ZBED6: variants seen among roughly 807,000 people sequenced by gnomAD.
ZBED6 encodes zinc finger BED-type containing 6.
Under a neutral mutation model 58.4 loss-of-function variants are expected in ZBED6, and 40 were observed. That is an observed-to-expected ratio of 0.68 (90% CI 0.53 to 0.89). The LOEUF is 0.89. ZBED6 is among the 40% of genes least tolerant of loss of function. ZBED6 has a pLI of 0.00. For synonymous variants in ZBED6, 439 were observed against 350.6 expected (o/e 1.25, Z -2.82); for missense variants, 1,057 against 1,003.9 (o/e 1.05, Z -0.71).
At chr1:203,795,665 T>G (rs1051386350), upstream of ZBED6, 2 of 152,192 alleles carry the variant, frequency 1.3e-5, no homozygotes, top group African/African-American at 4.8e-5. Flanking sequence ...ACGCTGGCAG[T>G]CTTGGTTTTC....
At chr1:203,796,368 A>G (rs939133523) in exon 1 of ZBED6, 1 of 398,782 alleles carries the variant, frequency 2.5e-6, no homozygotes, top group Non-Finnish European at 4.4e-6. Context: ...TCCTACACCC[A>G]TTCCCCACTC....
At position 203,806,088 on chromosome 1, in the gene ZBED6, A is replaced by G. The variant is rs78535301; in HGVS notation, c.*2554+3072A>G. 2,123 of 503,380 alleles carry G rather than the reference A, an allele frequency of 4.2e-3. 42 individuals are homozygous for G. Among genetic ancestry groups the G allele is most frequent in the African/African-American group, 0.039 (1,968 of 50,910 alleles). 31.2% of individuals were successfully genotyped at this position (503,380 alleles called of 1,614,324 possible). On this transcript the variant is annotated intron_variant, in intron 1 of 16. Coordinates refer to ENST00000550078, the Ensembl canonical transcript of ZBED6. ...TTAAAACTCGCAAGGCTTTCTGCGTAATCATATTCTTTGTAGGACCCCCTC... is the reference window on the plus strand; with the variant it reads ...TTAAAACTCGCAAGGCTTTCTGCGTGATCATATTCTTTGTAGGACCCCCTC...
At chr1:203,800,102 C>G (rs1192282337) in exon 1 of ZBED6, 15 of 1,536,002 alleles carry the variant, frequency 9.8e-6, no homozygotes, top group Non-Finnish European at 1.2e-5. Flanking sequence ...GCTTCATGTT[C>G]CCTTCTGCTG....
intron 1 of ZBED6, among the ~76,000 whole-genome samples, chr1:203,816,534 G>A (rs1328966893): frequency 6.6e-6 from 1 of 152,114 alleles, no homozygotes; most frequent in Non-Finnish European, 1.5e-5. Flanking sequence ...GGGAGGCTGA[G>A]GTGGGAGAAT....
chr1:203,826,311 T>C (rs1305848157), intron 3 of ZBED6, among the ~76,000 whole-genome samples: 1 of 151,524 alleles, frequency 6.6e-6, no homozygotes, highest in Non-Finnish European at 1.5e-5. Flanking sequence ...GCCTATACTT[T>C]TAAAAAATAT....
intron 6 of ZBED6, 36 bp from the exon 7 acceptor site, chr1:203,830,087 T>C: frequency 6.6e-7 from 1 of 1,517,152 alleles, no homozygotes; most frequent in Non-Finnish European, 9.1e-7. Flanking sequence ...ATGAAAAGGC[T>C]CCCGTTCCTC....
exon 1 of ZBED6, chr1:203,799,699 T>G: frequency 1.4e-6 from 1 of 715,534 alleles, no homozygotes; most frequent in Non-Finnish European, 2.5e-6. Flanking sequence ...CTGCAGAAAC[T>G]CAGAGAAGAT....
chr1:203,808,482 A>G (rs769290560), intron 1 of ZBED6, among the ~76,000 whole-genome samples: 4 of 152,230 alleles, frequency 2.6e-5, no homozygotes, highest in Admixed American at 1.3e-4. Context: ...TAAAGACTCA[A>G]GTCCATCAAA....
At chr1:203,822,211 A>G (rs950551813) in intron 3 of ZBED6, among the ~76,000 whole-genome samples, 1 of 152,090 alleles carries the variant, frequency 6.6e-6, no homozygotes, top group African/African-American at 2.4e-5. Context: ...ATTGTTCATA[A>G]TACTTTTATT....
At chr1:203,820,176 A>C (rs1678044325) in intron 3 of ZBED6, among the ~76,000 whole-genome samples, 1 of 151,544 alleles carries the variant, frequency 6.6e-6, no homozygotes. Context: ...CGGAGGTTGC[A>C]CTGAGCTGAG....
chr1:203,845,330 T>G (rs1687598279), intron 11 of ZBED6, among the ~76,000 whole-genome samples: 1 of 151,990 alleles, frequency 6.6e-6, no homozygotes, highest in Non-Finnish European at 1.5e-5. Context: ...TTTCTTGGAG[T>G]GGTAATTTTG....
At chr1:203,829,362 C>G in intron 4 of ZBED6, 89 bp from the exon 5 acceptor site, 1 of 1,293,138 alleles carries the variant, frequency 7.7e-7, no homozygotes, top group Non-Finnish European at 1.1e-6. Flanking sequence ...AAGACAAATA[C>G]ACTATAGTTT....
chr1:203,844,000 GGCAT>G (rs796488406), intron 11 of ZBED6, among the ~76,000 whole-genome samples: 16 of 151,914 alleles, frequency 1.1e-4, no homozygotes, highest in African/African-American at 3.4e-4. Context: ...TGGGATTACA[GGCAT>G]GCGCTACCAC....
At chr1:203,829,369 G>A (rs572572552) in intron 4 of ZBED6, 82 bp from the exon 5 acceptor site, 1 of 1,400,122 alleles carries the variant, frequency 7.1e-7, no homozygotes, top group East Asian at 2.3e-5. Flanking sequence ...ATACACTATA[G>A]TTTTCATAGG....
exon 14 of ZBED6, chr1:203,849,959 C>T: frequency 6.2e-7 from 1 of 1,614,050 alleles, no homozygotes; most frequent in Non-Finnish European, 8.5e-7. Flanking sequence ...AGGTAGAAAC[C>T]TCAGGGATTG....
chr1:203,814,532 A>G (rs1675597578), intron 1 of ZBED6, among the ~76,000 whole-genome samples: 1 of 152,130 alleles, frequency 6.6e-6, no homozygotes, highest in Admixed American at 6.6e-5. Context: ...TCAAAGAAAA[A>G]AAAAAGAATA....
At position 203,830,215 on chromosome 1, in the gene ZBED6, C is replaced by T. The variant is rs12239438; in HGVS notation, c.*3399+12C>T. The stretch of plus-strand genomic sequence containing the variant: ...TAAGAAGCAAGGTGGTAAGTCATCA[C>T]GTTTTGGCATGGATAGTTGTATGTT... On this transcript the variant is annotated intron_variant, in intron 7 of 16. Transcript: ENST00000550078. The T allele has an allele frequency of 0.13, 202,098 of 1,582,188 alleles. 14,478 individuals are homozygous for T. The highest frequency in any genetic ancestry group is 0.14 in the Non-Finnish European group (166,194 of 1,165,224).
Position 203,851,170 on chromosome 1 carries a change from C to G in ZBED6, c.*4873+46C>G, listed in dbSNP as rs779172405. 24 of 1,557,410 alleles carry G rather than the reference C, an allele frequency of 1.5e-5. No homozygotes were observed. In the South Asian group the frequency reaches 2.7e-4, roughly 17 times the overall value. On this transcript the variant is annotated intron_variant, in intron 16 of 16. Transcript: ENST00000550078. ...CTAAACAAACTCCAGGCCCCTGTTA[C>G]TGTTTAGGCTCTCTAGAGAATAACA...
At chr1:203,823,661 T>C (rs1329714430) in intron 3 of ZBED6, among the ~76,000 whole-genome samples, 1 of 152,240 alleles carries the variant, frequency 6.6e-6, no homozygotes, top group Non-Finnish European at 1.5e-5. Flanking sequence ...GCTGCTATGC[T>C]AACTCTTTTC....
Sources: allele counts gnomAD v4.1 joint callset (sites outside exome capture counted in the v4.1 genomes callset), GRCh38; gene constraint gnomAD v4.1.1; transcripts MANE v1.5; gene names NCBI Gene and HGNC (gene_info 2026-07-23, HGNC 2026-07-21).